Variants in UFSP2 observed in about 807,000 individuals in gnomAD.
The protein encoded by UFSP2 is ufm1-specific protease 2.
A neutral mutation model predicts 60.2 loss-of-function variants in UFSP2; 43 were observed. That is an observed-to-expected ratio of 0.71 (90% CI 0.56 to 0.92). The LOEUF (loss-of-function observed/expected upper bound fraction) is 0.92, where lower values mean the gene tolerates loss of function less well. Ranked by LOEUF, UFSP2 falls within the 40% of genes least tolerant of loss-of-function variation. UFSP2 has a pLI of 0.00. For missense variants in UFSP2, 520 were observed against 575.0 expected (o/e 0.90, Z 0.98); for synonymous variants, 183 against 195.1 (o/e 0.94, Z 0.52).
chr4:185,403,201 A>G (rs2095515297), intron 11 of UFSP2, among the ~76,000 whole-genome samples: 1 of 152,226 alleles, frequency 6.6e-6, no homozygotes, highest in Non-Finnish European at 1.5e-5. Context: ...ACTTTGATAC[A>G]TTTGTTTATG....
In UFSP2 at chr4:185,400,484, T is replaced by C. The variant is rs2095511989; in HGVS notation, c.1324-6A>G. On this transcript the variant is annotated splice_region_variant and splice_polypyrimidine_tract_variant and intron_variant, in intron 11 of 11. Transcript: ENST00000264689. ...CCCTTCCATCCGCACCAGCCCTGGA[T>C]AGAGAAGACGGGAAAGGAAAGCCTT... 1.9e-6 allele frequency: 3 copies of C among 1,608,480 alleles called. No homozygotes were observed. The highest frequency in any genetic ancestry group is 4.5e-5 in the East Asian group (2 of 44,824).
rs570362236 is a variant in UFSP2, at chr4:185,422,523, C to T, written c.44G>A (p.Gly15Glu). 10 of 1,611,506 alleles carry T rather than the reference C, an allele frequency of 6.2e-6. No individual in the cohort carries two copies. Among genetic ancestry groups the T allele is most frequent in the Non-Finnish European group, 7.6e-6 (9 of 1,179,326 alleles). The change falls in exon 2 of 12, where the codon GGA becomes GAA. Residue 15 changes from glycine (G) to glutamate (E), a missense_variant. Coordinates refer to ENST00000264689, the MANE Select transcript of UFSP2 (RefSeq NM_018359.5). ...TAGCTGAAAAGCCAAATCAAGGCCTCCTCTTATTCTGAAGAGTATATCCAT... is the reference window on the plus strand; with the variant it reads ...TAGCTGAAAAGCCAAATCAAGGCCTTCTCTTATTCTGAAGAGTATATCCAT... ...ESMDILFRIR[G>E]GLDLAFQLAT...
At position 185,418,547 on chromosome 4, in the gene UFSP2, T is replaced by C. The variant is rs201520085; in HGVS notation, c.266+40A>G. On this transcript the variant is annotated intron_variant, in intron 3 of 11. Transcript: ENST00000264689. ...CACAGACATTTATAATATGAAATGA[T>C]GTTTTGAAAACATTTCTAGAAATCT... 6.3e-5 allele frequency: 101 copies of C among 1,610,386 alleles called. 5 individuals are homozygous for C. The South Asian group carries it at 8.8e-4, about 14-fold the overall frequency.
At chr4:185,424,701 T>TA (rs1342303415) in intron 1 of UFSP2, among the ~76,000 whole-genome samples, 5 of 152,120 alleles carry the variant, frequency 3.3e-5, no homozygotes, top group African/African-American at 4.8e-5. Flanking sequence ...CCCATTTAAA[T>TA]AAAAAATATT....
intron 5 of UFSP2, 138 bp downstream of exon 5, chr4:185,415,572 T>C (rs1170785279): frequency 1.2e-6 from 1 of 863,576 alleles, no homozygotes; most frequent in Non-Finnish European, 1.7e-6. Flanking sequence ...CAAATAACCA[T>C]TTAATTAATA....
chr4:185,424,850 GGTT>G (rs1443722519), intron 1 of UFSP2, among the ~76,000 whole-genome samples: 1 of 152,096 alleles, frequency 6.6e-6, no homozygotes, highest in East Asian at 1.9e-4. Flanking sequence ...AACTTCCCAG[GGTT>G]GTTATGAAGA....
At chr4:185,420,529 C>T (rs1046582252) in intron 2 of UFSP2, among the ~76,000 whole-genome samples, 2 of 152,078 alleles carry the variant, frequency 1.3e-5, no homozygotes, top group Non-Finnish European at 2.9e-5. Flanking sequence ...AACGACCATA[C>T]TGGTATCTTG....
rs1052950369 is a variant in UFSP2 at position 185,399,695 on chromosome 4, G to A, written c.*697C>T. 4 of 1,614,126 alleles carry A rather than the reference G, an allele frequency of 2.5e-6. No homozygotes were observed. The highest frequency in any genetic ancestry group is 3.3e-5 in the Admixed American group (2 of 60,020). On this transcript the variant is annotated 3_prime_UTR_variant, in exon 12 of 12. Transcript: ENST00000264689. ...ATAAAAGCAAGTGAACACCCTGACAGGAATGATTGTGTTGCCGTGCTCAGA... is the reference window on the plus strand; with the variant it reads ...ATAAAAGCAAGTGAACACCCTGACAAGAATGATTGTGTTGCCGTGCTCAGA...
rs1205496266 is a variant in UFSP2, at chr4:185,408,028, T to C, written c.1029A>G (p.Thr343=). Residue 343 remains threonine (T), a synonymous_variant, in exon 9 of 12, where the codon ACA becomes ACG. Transcript: ENST00000264689. ...ALVDAGDKPA[T]FVGSRQWIGS... ...CAATCCATTGCCGCGATCCGACAAA[T>C]GTTGCTGGTTTGTCCCCGGCATCGA... The C allele has an allele frequency of 2.3e-5, 37 of 1,613,988 alleles. No homozygotes were observed. The highest frequency in any genetic ancestry group is 3.1e-5 in the Non-Finnish European group (37 of 1,179,842).
chr4:185,402,311 CAAAA>C, intron 11 of UFSP2: 1 of 454,090 alleles, frequency 2.2e-6, no homozygotes, highest in Non-Finnish European at 4.4e-6. Context: ...ATGCACCAGT[CAAAA>C]AACCTTTTAT....
chr4:185,422,583 A>G lies in UFSP2; in HGVS notation c.4-20T>C. 6.5e-7 allele frequency: 1 copy of G among 1,532,504 alleles called. No individual in the cohort carries two copies. The highest frequency in any genetic ancestry group is 8.9e-7 in the Non-Finnish European group (1 of 1,126,146). 94.9% of individuals were successfully genotyped at this position (1,532,504 alleles called of 1,614,324 possible). ...AATCACCTAGAACAAATAAAGATAAAGACAAACTCCCTTGTAAAACAAAAC... is the reference window on the plus strand; with the variant it reads ...AATCACCTAGAACAAATAAAGATAAGGACAAACTCCCTTGTAAAACAAAAC... On this transcript the variant is annotated intron_variant, in intron 1 of 11. Transcript: ENST00000264689.
chr4:185,422,064 C>T (rs1276729068), intron 2 of UFSP2, among the ~76,000 whole-genome samples: 1 of 152,136 alleles, frequency 6.6e-6, no homozygotes, highest in Non-Finnish European at 1.5e-5. Context: ...TCATATAAAC[C>T]CTGTTGATTT....
intron 1 of UFSP2, among the ~76,000 whole-genome samples, chr4:185,422,943 C>G (rs2095552191): frequency 6.6e-6 from 1 of 152,166 alleles, no homozygotes; most frequent in Admixed American, 6.5e-5. Context: ...ACTGCAACCT[C>G]CGCCTCCTGG....
At chr4:185,403,840 G>T (rs1256498633) in intron 10 of UFSP2, among the ~76,000 whole-genome samples, 3 of 151,688 alleles carry the variant, frequency 2.0e-5, no homozygotes, top group African/African-American at 7.3e-5. Flanking sequence ...AGCTGGGCTT[G>T]GTGGCAGGCG....
Position 185,405,769 on chromosome 4 carries a change from A to G in UFSP2, c.1198+11T>C, listed in dbSNP as rs367669124. 8 of 1,613,818 alleles carry G rather than the reference A, an allele frequency of 5.0e-6. 1 individual carries two copies. In the South Asian group the frequency reaches 6.6e-5, roughly 13 times the overall value. Reference sequence around the variant, plus strand: ...CTCACTCTACCAAAAACAGTGTCTGAAACAGCTTACCGATCATAACTGGAG... The same window carrying G: ...CTCACTCTACCAAAAACAGTGTCTGGAACAGCTTACCGATCATAACTGGAG... On this transcript the variant is annotated intron_variant, in intron 10 of 11. Coordinates refer to ENST00000264689, the MANE Select transcript of UFSP2 (RefSeq NM_018359.5).
intron 7 of UFSP2, among the ~76,000 whole-genome samples, chr4:185,409,978 G>A (rs961176110): frequency 8.5e-5 from 13 of 152,116 alleles, no homozygotes; most frequent in African/African-American, 3.1e-4. Context: ...TCAGCCCAGT[G>A]ATACTACTTT....
rs1346413351 is a variant in UFSP2, at chr4:185,418,520, T to C, written c.267-13A>G. 6.2e-7 allele frequency: 1 copy of C among 1,609,624 alleles called. No individual in the cohort carries two copies. Among genetic ancestry groups the C allele is most frequent in the Non-Finnish European group, 8.5e-7 (1 of 1,178,400 alleles). On this transcript the variant is annotated splice_polypyrimidine_tract_variant and intron_variant, in intron 3 of 11. Transcript: ENST00000264689. ...TTCTGGCTCAAATCTAAATTTTTAA[T>C]ACACAGACATTTATAATATGAAATG...
intron 7 of UFSP2, among the ~76,000 whole-genome samples, chr4:185,410,188 T>A (rs1318916197): frequency 4.6e-5 from 7 of 151,922 alleles, no homozygotes; most frequent in Non-Finnish European, 1.0e-4. Flanking sequence ...AATTCTGACA[T>A]ATTTGGACAT....
Position 185,417,505 on chromosome 4 carries a change from T to C in UFSP2, c.333+936A>G, listed in dbSNP as rs146059847. On this transcript the variant is annotated intron_variant, in intron 4 of 11. Coordinates refer to ENST00000264689, the MANE Select transcript of UFSP2 (RefSeq NM_018359.5). ...GCAGAATCCATTGTATCCCTAAATA[T>C]CTCTTGTATGCAATCCCTCTTCTCT... Among the ~76,000 whole-genome samples, 6 of 152,286 alleles carry C rather than the reference T, an allele frequency of 3.9e-5. No homozygotes were observed. The East Asian group carries it at 1.2e-3, about 29-fold the overall frequency.
Sources: allele counts gnomAD v4.1 joint callset (sites outside exome capture counted in the v4.1 genomes callset), GRCh38; gene constraint gnomAD v4.1.1; transcripts MANE v1.5; gene names NCBI Gene and HGNC (gene_info 2026-07-23, HGNC 2026-07-21).